The following ABLIM1 variants were observed in gnomAD, a reference collection of about 807,000 sequenced individuals.
ABLIM1 encodes actin-binding LIM protein 1.
A neutral mutation model predicts 107.0 loss-of-function variants in ABLIM1; 40 were observed. The ratio of observed to expected loss-of-function variants is 0.37; its 90% CI spans 0.29 to 0.49. The LOEUF is 0.49. Among genes scored for constraint, ABLIM1 ranks in the 20% least tolerant of loss-of-function variants. The probability of loss-of-function intolerance (pLI) is 0.97; values close to 1 mark genes in which losing one functional copy is unlikely to be tolerated. For missense variants in ABLIM1, 857 were observed against 1,008.5 expected, an observed-to-expected ratio of 0.85 and a Z score of 2.04; for synonymous variants, 357 against 357.3, an observed-to-expected ratio of 1.00 and a Z score of 0.01.
intron 1 of ABLIM1, chr10:114,632,033 C>A (rs2078216745): frequency 7.9e-7 from 1 of 1,272,898 alleles, no homozygotes; most frequent in Non-Finnish European, 1.0e-6. Flanking sequence ...GGAGAAGCCC[C>A]GGCATCCGCT....
At chr10:114,487,909 C>A (rs558238425) in intron 8 of ABLIM1, 49 bp downstream of exon 8, 16 of 1,599,936 alleles carry the variant, frequency 1.0e-5, no homozygotes, top group Non-Finnish European at 1.4e-5. Context: ...TGACCACGAG[C>A]GTATGGCCTA....
At position 114,707,857 on chromosome 10, in the gene ABLIM1, C is replaced by A. The variant is rs2081456152; in HGVS notation, c.-213+60204G>T. Among the ~76,000 whole-genome samples the A allele has an allele frequency of 6.6e-6, 1 of 152,074 alleles. No individual in the cohort carries two copies. The highest frequency in any genetic ancestry group is 2.1e-4 in the South Asian group (1 of 4,824). ...CAGAGGTTGCAGTGAGCGGAGATTGCACCATTGCACTCTAGCCTGGGCGAC... is the reference window on the plus strand; with the variant it reads ...CAGAGGTTGCAGTGAGCGGAGATTGAACCATTGCACTCTAGCCTGGGCGAC... On this transcript the variant is annotated intron_variant, in intron 1 of 15. Transcript: ENST00000651092. This position sits in a 1 kb window ranked among gnomAD's most constrained non-coding sequence, Gnocchi z 4.1.
intron 1 of ABLIM1, among the ~76,000 whole-genome samples, chr10:114,648,757 A>G (rs1460502265): frequency 5.3e-5 from 8 of 152,218 alleles, no homozygotes. Context: ...TGAAGAAACC[A>G]CGGAAACAAC....
Position 114,436,322 on chromosome 10 carries a change from C to G in ABLIM1, c.2275G>C (p.Glu759Gln). The G allele has an allele frequency of 6.2e-7, 1 of 1,613,954 alleles. No individual in the cohort carries two copies. Among genetic ancestry groups the G allele is most frequent in the Middle Eastern group, 1.6e-4 (1 of 6,062 alleles). ...FREIFGMSIQ[E>Q]FDRLPLWRRN... ...CTCCAAAGAGGTAACCTGTCAAACT[C>G]CTGTATGGACATTCCAAAGATTTCC... Residue 759 changes from glutamate (E) to glutamine (Q), a missense_variant, in exon 23 of 23, where the codon GAG becomes CAG. By Grantham distance (29) the Glu-to-Gln change is conservative. Around this residue, in one of 5 missense-constraint regions of ABLIM1, gnomAD observed 193 missense variants for 208.5 expected, o/e 0.93. Coordinates refer to ENST00000533213, the MANE Select transcript of ABLIM1 (RefSeq NM_002313.7).
At chr10:114,445,740 T>C (rs2060919021) in intron 15 of ABLIM1, among the ~76,000 whole-genome samples, 1 of 152,168 alleles carries the variant, frequency 6.6e-6, no homozygotes, top group African/African-American at 2.4e-5. Flanking sequence ...GCATCTCCAG[T>C]TGTTATTTTG....
intron 1 of ABLIM1, among the ~76,000 whole-genome samples, chr10:114,704,296 C>CTATATA (rs1481293676): frequency 3.5e-5 from 1 of 28,864 alleles, no homozygotes; most frequent in Non-Finnish European, 8.0e-5. Context: ...CTCTCTCTCT[C>CTATATA]TCTCTCTATA....
In ABLIM1 at chr10:114,454,539, T is replaced by C. The variant is rs559074553; in HGVS notation, c.1442-1056A>G. ...GACTGGCCACCTTGTCTGGAAGGCATGGTGCTCTTGGAGGAGAGAAGAGGG... is the reference window on the plus strand; with the variant it reads ...GACTGGCCACCTTGTCTGGAAGGCACGGTGCTCTTGGAGGAGAGAAGAGGG... On this transcript the variant is annotated intron_variant, in intron 12 of 22. Transcript: ENST00000533213. Among the ~76,000 whole-genome samples the C allele has an allele frequency of 5.3e-5, 8 of 152,192 alleles. No homozygotes were observed. In the East Asian group the frequency reaches 1.5e-3, roughly 29 times the overall value.
intron 10 of ABLIM1, among the ~76,000 whole-genome samples, chr10:114,469,215 A>G (rs2065951388): frequency 6.6e-6 from 1 of 152,218 alleles, no homozygotes; most frequent in African/African-American, 2.4e-5. Context: ...TCTTGTTCAC[A>G]TGGTTGTTGA....
chr10:114,512,771 G>A (rs144947347), intron 6 of ABLIM1, among the ~76,000 whole-genome samples: 1,601 of 151,800 alleles, frequency 0.011, 29 homozygotes, highest in African/African-American at 0.037. Flanking sequence ...GTTGCGGTGA[G>A]CCGAGATCGT....
intron 4 of ABLIM1, among the ~76,000 whole-genome samples, chr10:114,562,022 T>C (rs773314942): frequency 1.3e-5 from 2 of 152,202 alleles, no homozygotes; most frequent in Non-Finnish European, 2.9e-5. Context: ...CTATACCTTG[T>C]CTCTGCAATG....
At chr10:114,489,043 G>A (rs922623349) in intron 7 of ABLIM1, among the ~76,000 whole-genome samples, 1 of 151,636 alleles carries the variant, frequency 6.6e-6, no homozygotes, top group Admixed American at 6.6e-5. Flanking sequence ...TTGAGACAGA[G>A]TCTTGCTCTG....
intron 8 of ABLIM1, among the ~76,000 whole-genome samples, chr10:114,475,490 A>T (rs1471257622): frequency 6.6e-6 from 1 of 152,042 alleles, no homozygotes; most frequent in Non-Finnish European, 1.5e-5. Flanking sequence ...CATAGAGTTT[A>T]TTTTTTAACC....
chr10:114,434,593 T>C lies in ABLIM1; in HGVS notation c.*1667A>G, dbSNP rs989195459. The C allele has an allele frequency of 6.6e-6, 1 of 152,200 alleles. No individual in the cohort carries two copies. The highest frequency in any genetic ancestry group is 2.4e-5 in the African/African-American group (1 of 41,456). 9.4% of individuals were successfully genotyped at this position (152,200 alleles called of 1,614,324 possible). A position where few individuals can be genotyped will look rare whatever the true frequency, so the allele number is the denominator to read the frequency against. ...TTCAGAGCTTTTGTTCTTAGTGGCATATGAAGGTAAATTCAAATGTTTTCT... is the reference window on the plus strand; with the variant it reads ...TTCAGAGCTTTTGTTCTTAGTGGCACATGAAGGTAAATTCAAATGTTTTCT... On this transcript the variant is annotated 3_prime_UTR_variant, in exon 23 of 23. Coordinates refer to ENST00000533213, the MANE Select transcript of ABLIM1 (RefSeq NM_002313.7).
chr10:114,497,478 G>A (rs1006521429), intron 6 of ABLIM1, among the ~76,000 whole-genome samples: 46 of 151,882 alleles, frequency 3.0e-4, no homozygotes, highest in African/African-American at 1.0e-3. Context: ...AGGAGATCGA[G>A]ACCATCCTGG....
At chr10:114,709,700 G>A (rs2081505156) in intron 1 of ABLIM1, among the ~76,000 whole-genome samples, 1 of 152,168 alleles carries the variant, frequency 6.6e-6, no homozygotes, top group South Asian at 2.1e-4. Context: ...AGGCAATCAA[G>A]GAATATGCTG....
rs576044575 is a variant in ABLIM1, at chr10:114,641,855, A to C, written c.244+16102T>G. Reference sequence around the variant, plus strand: ...GAGTTAGGGCCTGCAGGTCATTGTAAAGGGCCTTGGCTTTTCCCCTAAGTT... The same window carrying C: ...GAGTTAGGGCCTGCAGGTCATTGTACAGGGCCTTGGCTTTTCCCCTAAGTT... On this transcript the variant is annotated intron_variant, in intron 1 of 22. Transcript: ENST00000533213. Among the ~76,000 whole-genome samples the C allele has an allele frequency of 1.3e-5, 2 of 149,658 alleles. 1 individual carries two copies. The highest frequency in any genetic ancestry group is 4.2e-4 in the South Asian group (2 of 4,808).
intron 8 of ABLIM1, among the ~76,000 whole-genome samples, chr10:114,474,770 T>C (rs2067281339): frequency 6.6e-6 from 1 of 152,204 alleles, no homozygotes; most frequent in Admixed American, 6.5e-5. Flanking sequence ...CACCCACGTT[T>C]CACCTTGAAT....
intron 15 of ABLIM1, among the ~76,000 whole-genome samples, chr10:114,446,466 G>A (rs1033487476): frequency 7.2e-5 from 11 of 152,188 alleles, no homozygotes; most frequent in African/African-American, 2.4e-4. Context: ...ATGGTTGAGA[G>A]GTTAAGATAA....
chr10:114,679,638 A>G (rs74563664), intron 1 of ABLIM1, among the ~76,000 whole-genome samples: 2 of 150,438 alleles, frequency 1.3e-5, no homozygotes, highest in Non-Finnish European at 3.0e-5. Flanking sequence ...TCCGTCTCAA[A>G]AAAAAAAAAA....
Sources: gnomAD v4.1 joint callset for allele counts (sites outside exome capture counted in the v4.1 genomes callset) on GRCh38, gnomAD v4.1.1 for gene constraint, gnomAD v4.1.1 regional missense constraint, Gnocchi (gnomAD v3.1) non-coding constraint, MANE v1.5 for transcripts, NCBI Gene and HGNC (gene_info 2026-07-23, HGNC 2026-07-21) for gene names.